The following PABPC4L variants were observed in gnomAD, a reference collection of about 807,000 sequenced individuals.
PABPC4L encodes poly(A) binding protein cytoplasmic 4 like.
For synonymous variants in PABPC4L, 169 were observed against 164.1 expected (o/e 1.03, Z -0.23); for missense variants, 452 against 451.4 (o/e 1.00, Z -0.01).
chr4:134,045,716 C>T, the PABPC4L span, among the ~76,000 whole-genome samples: 2 of 152,124 alleles, frequency 1.3e-5, no homozygotes, highest in Non-Finnish European at 2.9e-5. Context: ...GTCCTACTTA[C>T]TACTATCCTC....
the PABPC4L span, among the ~76,000 whole-genome samples, chr4:133,966,229 A>G: frequency 6.6e-6 from 1 of 152,338 alleles, no homozygotes; most frequent in Non-Finnish European, 1.5e-5. Context: ...ACCTCTAATG[A>G]TCAGGGAAAT....
At chr4:134,006,686 G>T in the PABPC4L span, among the ~76,000 whole-genome samples, 1 of 151,766 alleles carries the variant, frequency 6.6e-6, no homozygotes, top group Non-Finnish European at 1.5e-5. Flanking sequence ...CAAGGTATTT[G>T]GGAGGTTGCT....
chr4:134,180,900 C>A, the PABPC4L span, among the ~76,000 whole-genome samples: 1 of 151,726 alleles, frequency 6.6e-6, no homozygotes, highest in Non-Finnish European at 1.5e-5. Context: ...TGCCTACCAA[C>A]CAGAAAAAGT....
the PABPC4L span, among the ~76,000 whole-genome samples, chr4:134,087,604 C>G: frequency 6.6e-6 from 1 of 152,152 alleles, no homozygotes; most frequent in Non-Finnish European, 1.5e-5. Flanking sequence ...GACTCAAGCC[C>G]ACCTGCACTG....
At chr4:133,961,163 C>T in the PABPC4L span, among the ~76,000 whole-genome samples, 2 of 152,130 alleles carry the variant, frequency 1.3e-5, no homozygotes, top group Admixed American at 6.5e-5. Flanking sequence ...GTCCATTTCA[C>T]CCTCCTGCCA....
the PABPC4L span, among the ~76,000 whole-genome samples, chr4:134,143,469 A>G: frequency 1.3e-5 from 2 of 150,198 alleles, no homozygotes; most frequent in Non-Finnish European, 3.0e-5. Flanking sequence ...TTTCACATAG[A>G]TTTTTAAGAT....
chr4:133,974,820 T>C, the PABPC4L span, among the ~76,000 whole-genome samples: 1 of 152,096 alleles, frequency 6.6e-6, no homozygotes, highest in Admixed American at 6.6e-5. Context: ...CTACTAATAT[T>C]GCTGTAAATA....
At chr4:133,969,433 G>T in the PABPC4L span, among the ~76,000 whole-genome samples, 2 of 152,124 alleles carry the variant, frequency 1.3e-5, no homozygotes, top group Non-Finnish European at 2.9e-5. Context: ...TTGACAAGTG[G>T]CATTTAGGCT....
chr4:134,068,668 A>C, the PABPC4L span, among the ~76,000 whole-genome samples: 3 of 150,016 alleles, frequency 2.0e-5, no homozygotes, highest in Non-Finnish European at 4.4e-5. Flanking sequence ...TTTCCTTTCC[A>C]TATTTCTATA....
At chr4:134,091,037 G>C in the PABPC4L span, among the ~76,000 whole-genome samples, 1 of 151,608 alleles carries the variant, frequency 6.6e-6, no homozygotes, top group Non-Finnish European at 1.5e-5. Flanking sequence ...AGTGATATAA[G>C]AAAAAAAATG....
chr4:134,166,044 T>C, the PABPC4L span, among the ~76,000 whole-genome samples: 1 of 152,142 alleles, frequency 6.6e-6, no homozygotes, highest in Non-Finnish European at 1.5e-5. Context: ...CCAAATACCA[T>C]ATGTTCTCAC....
At chr4:133,973,297 A>G in the PABPC4L span, among the ~76,000 whole-genome samples, 1 of 152,084 alleles carries the variant, frequency 6.6e-6, no homozygotes, top group Non-Finnish European at 1.5e-5. Flanking sequence ...ATATATCATA[A>G]TGGGAACACT....
At chr4:133,993,228 TC>T in the PABPC4L span, among the ~76,000 whole-genome samples, 1 of 152,062 alleles carries the variant, frequency 6.6e-6, no homozygotes, top group African/African-American at 2.4e-5. Context: ...TTACTCATAT[TC>T]CCCCTTTTTT....
At position 134,199,972 on chromosome 4, in the gene PABPC4L, T is replaced by C. The variant is rs1174447781; in HGVS notation, c.1048A>G (p.Thr350Ala). 4 of 1,551,674 alleles carry C rather than the reference T, an allele frequency of 2.6e-6. No homozygotes were observed. The highest frequency in any genetic ancestry group is 3.5e-6 in the Non-Finnish European group (4 of 1,146,978). ...CCCAAGATGCGGCCATTCATCTCAG[T>C]CATTGCTTTAGTAGCATCCTCAGGA... is the stretch of plus-strand genomic sequence containing the variant. ...SSPEDATKAM[T>A]EMNGRILGSK... Residue 350 changes from threonine (T) to alanine (A), a missense_variant, in exon 2 of 2, where the codon ACT (threonine) becomes GCT (alanine). Coordinates refer to ENST00000421491, the MANE Select transcript of PABPC4L (RefSeq NM_001114734.2).
chr4:134,172,122 C>T, the PABPC4L span, among the ~76,000 whole-genome samples: 1 of 152,024 alleles, frequency 6.6e-6, no homozygotes, highest in South Asian at 2.1e-4. Context: ...AGTGCTATTC[C>T]TATAAAACTA....
the PABPC4L span, among the ~76,000 whole-genome samples, chr4:134,015,111 C>A: frequency 6.6e-6 from 1 of 152,076 alleles, no homozygotes; most frequent in African/African-American, 2.4e-5. Flanking sequence ...GCAACCCTTA[C>A]CATCTCATTA....
At chr4:134,042,823 G>T in the PABPC4L span, among the ~76,000 whole-genome samples, 1 of 152,114 alleles carries the variant, frequency 6.6e-6, no homozygotes, top group African/African-American at 2.4e-5. Context: ...AAGTGAGAAG[G>T]AGAGACAAAG....
chr4:134,127,119 G>A, the PABPC4L span, among the ~76,000 whole-genome samples: 1 of 151,972 alleles, frequency 6.6e-6, no homozygotes, highest in South Asian at 2.1e-4. Context: ...CCACACAGCA[G>A]CAGCAGCAAG....
rs1188934471 is a variant in PABPC4L, at chr4:134,198,654, TCTTGC to T, written c.*1248_*1252del. The T allele has an allele frequency of 6.6e-6, 1 of 151,930 alleles. No homozygotes were observed. The highest frequency in any genetic ancestry group is 1.5e-5 in the Non-Finnish European group (1 of 67,826). 9.4% of individuals were successfully genotyped at this position (151,930 alleles called of 1,614,324 possible). ...AATTATTTAAATGTAATTAAATAAC[TCTTGC>T]CTCGATTTCCAAATGGATTTGAAGC... On this transcript the variant is annotated 3_prime_UTR_variant, in exon 2 of 2. Transcript: ENST00000421491.
Sources: allele counts gnomAD v4.1 joint callset (sites outside exome capture counted in the v4.1 genomes callset), GRCh38; gene constraint gnomAD v4.1.1; transcripts MANE v1.5; gene names NCBI Gene and HGNC (gene_info 2026-07-23, HGNC 2026-07-21).